The following SAGE1 variants were observed in gnomAD, a reference collection of about 807,000 sequenced individuals.
The protein encoded by SAGE1 is sarcoma antigen 1, also known as cancer/testis antigen 14.
A neutral mutation model predicts 55.4 loss-of-function variants in SAGE1; 55 were observed. The ratio of observed to expected loss-of-function variants is 0.99; its 90% CI spans 0.80 to 1.24. The LOEUF (loss-of-function observed/expected upper bound fraction) is 1.24. SAGE1 is among the 50% of genes most tolerant of loss of function. The probability of loss-of-function intolerance (pLI) is 0.00; values close to 1 mark genes in which losing one functional copy is unlikely to be tolerated. For missense variants in SAGE1, 710 were observed against 704.4 expected (o/e 1.01, Z -0.09); for synonymous variants, 240 against 244.3 (o/e 0.98, Z 0.17).
In SAGE1 at chrX:135,905,303, C is replaced by T. The variant is rs1268979297; in HGVS notation, c.365C>T (p.Ser122Phe). The change falls in exon 5 of 20, where the codon TCT (serine) becomes TTT (phenylalanine). Residue 122 changes from serine (S) to phenylalanine (F), a missense_variant. Physicochemically the swap from Ser to Phe is radical, Grantham distance 155 (BLOSUM62 -2). Transcript: ENST00000370709. ...GAAGAGAGGATGGAAAATGGCCAAT[C>T]TCGAACTGACAAAGTCTTGTCAACT... ...IREERMENGQSRTDKVLSTAP... is the reference protein window; with the variant it reads ...IREERMENGQFRTDKVLSTAP... 8.3e-7 allele frequency: 1 copy of T among 1,208,317 alleles called. No homozygotes were observed. Among genetic ancestry groups the T allele is most frequent in the Admixed American group, 2.2e-5 (1 of 45,957 alleles).
Position 135,908,935 on chromosome X carries a change from T to A in SAGE1, c.1513T>A (p.Ser505Thr), listed in dbSNP as rs1288169850. 3 of 1,207,378 alleles carry A rather than the reference T, an allele frequency of 2.5e-6. No individual in the cohort carries two copies. The African/African-American group carries it at 5.3e-5, about 21-fold the overall frequency. The stretch of plus-strand genomic sequence containing the variant: ...CAAACCCCAAACTGATAAGGTCATA[T>A]CAAATGATGCACCACAGCTTGGTCA... ...SGKPQTDKVISNDAPQLGHMA... is the reference protein window; with the variant it reads ...SGKPQTDKVITNDAPQLGHMA... Residue 505 changes from serine to threonine, a missense_variant, in exon 13 of 20, where the codon TCA becomes ACA. Transcript: ENST00000370709.
intron 2 of SAGE1, among the ~76,000 whole-genome samples, chrX:135,899,096 A>AT (rs1223609486): frequency 1.2e-4 from 13 of 109,252 alleles, no homozygotes; most frequent in East Asian, 5.7e-4. Flanking sequence ...AGTATTGCCT[A>AT]TTTTTTTTTC....
chrX:135,900,882 C>T (rs1158450120), intron 2 of SAGE1, among the ~76,000 whole-genome samples: 2 of 110,309 alleles, frequency 1.8e-5, no homozygotes, highest in Admixed American at 9.7e-5. Context: ...TGTGGTGGCT[C>T]GCACCTGTAA....
chrX:135,907,083 A>C lies in SAGE1; in HGVS notation c.877+17A>C. The C allele has an allele frequency of 6.7e-6, 8 of 1,199,781 alleles. No homozygotes were observed. Among genetic ancestry groups the C allele is most frequent in the Non-Finnish European group, 9.0e-6 (8 of 888,098 alleles). ...ATGGCCTGTGTATGTTTGCTTGTTA[A>C]TTGGATTATCCTGCTTGGTTTCCAT... On this transcript the variant is annotated intron_variant, in intron 8 of 19. Coordinates refer to ENST00000370709, the MANE Select transcript of SAGE1 (RefSeq NM_001381902.1).
chrX:135,899,915 G>A (rs2088644581), intron 2 of SAGE1, among the ~76,000 whole-genome samples: 1 of 110,749 alleles, frequency 9.0e-6, no homozygotes, highest in Non-Finnish European at 1.9e-5. Context: ...GGATTTTCTA[G>A]ATATAGGGTC....
chrX:135,908,538 T>A lies in SAGE1; in HGVS notation c.1362T>A (p.Asp454Glu). The change falls in exon 12 of 20, where the codon GAT (aspartate) becomes GAA (glutamate). Residue 454 changes from aspartate to glutamate, a missense_variant. Coordinates refer to ENST00000370709, the MANE Select transcript of SAGE1 (RefSeq NM_001381902.1). Reference protein sequence around the residue: ...ARMENGQRKQDNVLSNVLSGL... With the variant: ...ARMENGQRKQENVLSNVLSGL... The stretch of plus-strand genomic sequence containing the variant: ...TGGAAAATGGCCAACGAAAACAGGA[T>A]AACGTCTTGTCAAATGTTCTATCCG... 1 of 1,207,829 alleles carries A rather than the reference T, an allele frequency of 8.3e-7. No individual in the cohort carries two copies. Among genetic ancestry groups the A allele is most frequent in the Non-Finnish European group, 1.1e-6 (1 of 892,924 alleles).
At position 135,898,988 on chromosome X, in the gene SAGE1, T is replaced by G. The variant is rs1556595113; in HGVS notation, c.88-2571T>G. 2.7e-5 allele frequency among the ~76,000 whole-genome samples: 3 copies of G among 112,498 alleles called. No individual in the cohort carries two copies. The South Asian group carries it at 1.1e-3, about 41-fold the overall frequency. On this transcript the variant is annotated intron_variant, in intron 2 of 19. Transcript: ENST00000370709. The stretch of plus-strand genomic sequence containing the variant: ...AGTTTATTTTGCTATGCATATGCTC[T>G]TTAGTTTAATTAGATCCCATTTGTC...
intron 13 of SAGE1, 43 bp from the exon 14 acceptor site, chrX:135,909,596 A>C (rs1556604859): frequency 6.1e-6 from 7 of 1,146,262 alleles, no homozygotes; most frequent in Non-Finnish European, 8.2e-6. Flanking sequence ...GTATTGACAT[A>C]ATGCACTTAC....
In SAGE1 at chrX:135,904,204, A is replaced by G. The variant is rs1271921714; in HGVS notation, c.221-273A>G. Among the ~76,000 whole-genome samples, 5 of 112,089 alleles carry G rather than the reference A, an allele frequency of 4.5e-5. No individual in the cohort carries two copies. In the Admixed American group the frequency reaches 4.7e-4, roughly 11 times the overall value. ...TATGGCAGCAGCTGGTATTTCATCC[A>G]TGAGTACCAGGGACCAGTGTAAATT... On this transcript the variant is annotated intron_variant, in intron 3 of 19. Transcript: ENST00000370709.
rs781863688 is a variant in SAGE1 at position 135,906,955 on chromosome X, GAGA to G, written c.770_772del (p.Lys257del). The G allele has an allele frequency of 3.3e-6, 4 of 1,208,091 alleles. No homozygotes were observed. The Admixed American group carries it at 8.8e-5, about 27-fold the overall frequency. ...TACCATCACTTACAATGTCCCTGAG[GAGA>G]AGATGGAAAAGGGCCAACCCCAACC... On this transcript the variant is annotated inframe_deletion, in exon 8 of 20. Coordinates refer to ENST00000370709, the MANE Select transcript of SAGE1 (RefSeq NM_001381902.1).
chrX:135,894,094 CTTG>C (rs782108718), intron 1 of SAGE1, among the ~76,000 whole-genome samples: 13 of 111,211 alleles, frequency 1.2e-4, no homozygotes, highest in African/African-American at 3.9e-4. Flanking sequence ...GAGTTTCACT[CTTG>C]TTGTTCGCTC....
chrX:135,911,076 G>A, intron 16 of SAGE1, 116 bp from the exon 17 acceptor site: 1 of 824,277 alleles, frequency 1.2e-6, no homozygotes, highest in South Asian at 2.6e-5. Flanking sequence ...TTGCCACCTG[G>A]TATATCCTCC....
chrX:135,908,307 T>C (rs1384539383), intron 11 of SAGE1, 78 bp downstream of exon 11: 1 of 1,066,575 alleles, frequency 9.4e-7, no homozygotes, highest in East Asian at 3.0e-5. Flanking sequence ...AATGTGGTTT[T>C]ATTATATTGT....
In SAGE1 at chrX:135,905,406, T is replaced by G; in HGVS notation, c.454+14T>G. The G allele has an allele frequency of 1.7e-6, 2 of 1,183,831 alleles. No individual in the cohort carries two copies. Among genetic ancestry groups the G allele is most frequent in the Non-Finnish European group, 2.3e-6 (2 of 874,289 alleles). The stretch of plus-strand genomic sequence containing the variant: ...CCAGGGATCTGCGTATGTCTGCTAA[T>G]TAGTTGTACTGTCATACTTGTTTTC... On this transcript the variant is annotated intron_variant, in intron 5 of 19. Coordinates refer to ENST00000370709, the MANE Select transcript of SAGE1 (RefSeq NM_001381902.1).
In SAGE1 at chrX:135,909,637, A is replaced by T. The variant is rs2148094115; in HGVS notation, c.1583-2A>T. 1 of 1,198,781 alleles carries T rather than the reference A, an allele frequency of 8.3e-7. No individual in the cohort carries two copies. The highest frequency in any genetic ancestry group is 1.1e-6 in the Non-Finnish European group (1 of 889,234). On this transcript the variant is annotated splice_acceptor_variant, in intron 13 of 19. Coordinates refer to ENST00000370709, the MANE Select transcript of SAGE1 (RefSeq NM_001381902.1). LOFTEE classifies it high-confidence loss of function. ...AAGTCAACCTCTTTATTTGGTTTCCAGATGCTACCGTCACTCAAAATGTCC... is the reference window on the plus strand; with the variant it reads ...AAGTCAACCTCTTTATTTGGTTTCCTGATGCTACCGTCACTCAAAATGTCC...
rs2088925091 is a variant in SAGE1, at chrX:135,913,004, G to A, written c.*107G>A. ...CTGAAATGAAGAGAATTCCCTTCCA[G>A]AAGCTACGAAAAAGGGAGCTGTTTA... On this transcript the variant is annotated 3_prime_UTR_variant, in exon 20 of 20. Coordinates refer to ENST00000370709, the MANE Select transcript of SAGE1 (RefSeq NM_001381902.1). The A allele has an allele frequency of 3.9e-6, 2 of 513,362 alleles. No homozygotes were observed. Among genetic ancestry groups the A allele is most frequent in the African/African-American group, 4.8e-5 (2 of 41,967 alleles). 42.3% of individuals were successfully genotyped at this position (513,362 alleles called of 1,213,427 possible).
rs185773421 is a variant in SAGE1, at chrX:135,897,024, C to A, written c.87+695C>A. Among the ~76,000 whole-genome samples the A allele has an allele frequency of 1.4e-3, 154 of 111,765 alleles. 1 individual carries two copies. The highest frequency in any genetic ancestry group is 0.012 in the Admixed American group (127 of 10,492). Reference sequence around the variant, plus strand: ...AGGGTTTGAACGCATATCTTTCTGACTCCAGAGTCTATATTCTTTCCCACT... The same window carrying A: ...AGGGTTTGAACGCATATCTTTCTGAATCCAGAGTCTATATTCTTTCCCACT... On this transcript the variant is annotated intron_variant, in intron 2 of 19. Coordinates refer to ENST00000370709, the MANE Select transcript of SAGE1 (RefSeq NM_001381902.1).
chrX:135,910,559 T>A lies in SAGE1; in HGVS notation c.2005+4T>A, dbSNP rs1382691425. The stretch of plus-strand genomic sequence containing the variant: ...TCCACGATTACCAGGGATCTGTGTA[T>A]GTCTGCTTATTAGTTGTGCTGTCCT... On this transcript the variant is annotated splice_donor_region_variant and intron_variant, in intron 16 of 19. Transcript: ENST00000370709. 8.3e-7 allele frequency: 1 copy of A among 1,205,759 alleles called. No individual in the cohort carries two copies. The highest frequency in any genetic ancestry group is 1.1e-6 in the Non-Finnish European group (1 of 891,460).
In SAGE1 at chrX:135,907,458, GT is replaced by G; in HGVS notation, c.1018+8del. On this transcript the variant is annotated splice_donor_region_variant and intron_variant, in intron 9 of 19. Transcript: ENST00000370709. ...GCATGAATACCAGGGATCAGTGTAT[GT>G]TTGTTTACTAGTTGTAGTGTCCTAG... 7 of 1,196,606 alleles carry G rather than the reference GT, an allele frequency of 5.8e-6. No individual in the cohort carries two copies. Among genetic ancestry groups the G allele is most frequent in the Non-Finnish European group, 7.9e-6 (7 of 884,681 alleles).
Sources: allele counts gnomAD v4.1 joint callset (sites outside exome capture counted in the v4.1 genomes callset), GRCh38; gene constraint gnomAD v4.1.1; transcripts MANE v1.5; gene names NCBI Gene and HGNC (gene_info 2026-07-23, HGNC 2026-07-21).